Variants in USP13 observed in about 807,000 individuals in gnomAD.
USP13 encodes the protein ubiquitin carboxyl-terminal hydrolase 13.
USP13 carries 68 observed loss-of-function variants against 107.8 expected under a neutral mutation model. The ratio of observed to expected loss-of-function variants is 0.63; its 90% CI spans 0.52 to 0.77. USP13 has a LOEUF of 0.77. Ranked by LOEUF, USP13 falls within the 30% of genes least tolerant of loss-of-function variation. USP13 has a pLI of 0.00. For missense variants in USP13, 945 were observed against 1,093.3 expected (o/e 0.86, Z 1.91); for synonymous variants, 377 against 389.5 (o/e 0.97, Z 0.38).
chr3:179,727,802 C>A (rs1162132356), intron 8 of USP13, among the ~76,000 whole-genome samples: 2 of 99,706 alleles, frequency 2.0e-5, no homozygotes, highest in African/African-American at 7.3e-5. Context: ...GGGCTGACCC[C>A]CCCCCCACCT....
chr3:179,750,399 A>G (rs1457949104), intron 13 of USP13, among the ~76,000 whole-genome samples: 2 of 148,594 alleles, frequency 1.3e-5, no homozygotes, highest in African/African-American at 4.9e-5. Context: ...GCAGTTGAGG[A>G]CTTGGTGACA....
intron 1 of USP13, among the ~76,000 whole-genome samples, chr3:179,675,568 G>C (rs1262343469): frequency 2.3e-5 from 3 of 129,402 alleles, no homozygotes; most frequent in Non-Finnish European, 1.7e-5. Flanking sequence ...TTATTATTGA[G>C]ATGGAGTCTC....
chr3:179,764,010 G>T lies in USP13; in HGVS notation c.2101G>T (p.Glu701Ter). ...IVHMEEPDFA[E>*]PLTMPGYGGA... is the part of the protein sequence containing the mutation. ...GTGGTTATTTTTCTCAGATTTTGCT[G>T]AGCCGCTGACCATGCCTGGTTATGG... Residue 701 changes from glutamate to a stop codon, truncating the protein, a stop_gained, in exon 18 of 21, where the codon GAG (glutamate) becomes TAG (stop). Coordinates refer to ENST00000263966, the MANE Select transcript of USP13 (RefSeq NM_003940.3). LOFTEE classifies it high-confidence loss of function. The T allele has an allele frequency of 6.2e-7, 1 of 1,602,752 alleles. No homozygotes were observed. The highest frequency in any genetic ancestry group is 2.2e-5 in the East Asian group (1 of 44,488).
At chr3:179,714,480 T>G (rs1013884385) in intron 6 of USP13, among the ~76,000 whole-genome samples, 2 of 152,204 alleles carry the variant, frequency 1.3e-5, no homozygotes, top group Non-Finnish European at 2.9e-5. Context: ...CTGTTAACAG[T>G]TTATTTAATG....
intron 8 of USP13, among the ~76,000 whole-genome samples, chr3:179,727,153 A>G (rs1012690177): frequency 2.7e-5 from 4 of 146,806 alleles, no homozygotes; most frequent in African/African-American, 1.0e-4. Context: ...TTATTGGAAC[A>G]ATTTTTAATG....
intron 15 of USP13, among the ~76,000 whole-genome samples, chr3:179,755,098 G>C (rs1265232519): frequency 6.6e-6 from 1 of 152,036 alleles, no homozygotes; most frequent in Non-Finnish European, 1.5e-5. Context: ...TTTTTTGTAG[G>C]CTCTTAGTCT....
In USP13 at chr3:179,721,498, C is replaced by G; in HGVS notation, c.997C>G (p.Pro333Ala). 1.2e-6 allele frequency: 2 copies of G among 1,614,152 alleles called. No homozygotes were observed. The highest frequency in any genetic ancestry group is 1.7e-6 in the Non-Finnish European group (2 of 1,180,040). ...CACGAAACTGAAGCCAATGTATGGT[C>G]CTGGCTACACGGGTCTGAAGAACCT... The part of the protein sequence containing the change: ...SGTKLKPMYG[P>A]GYTGLKNLGN... Residue 333 changes from proline (P) to alanine (A), a missense_variant, in exon 8 of 21, where the codon CCT becomes GCT. Coordinates refer to ENST00000263966, the MANE Select transcript of USP13 (RefSeq NM_003940.3). The surrounding 1 kb of genome is among the most constrained non-coding windows in gnomAD (Gnocchi z 4.3).
chr3:179,724,379 G>A (rs530014163), intron 8 of USP13, among the ~76,000 whole-genome samples: 81 of 150,066 alleles, frequency 5.4e-4, no homozygotes, highest in African/African-American at 2.0e-3. Context: ...AATTGCTTGA[G>A]CCCAGGAGGC....
intron 1 of USP13, among the ~76,000 whole-genome samples, chr3:179,671,531 A>G (rs1352714170): frequency 6.6e-6 from 1 of 152,192 alleles, no homozygotes; most frequent in East Asian, 1.9e-4. Flanking sequence ...ATATTATAAC[A>G]TCATACACAG....
Position 179,721,160 on chromosome 3 carries a change from A to G in USP13, c.901-242A>G, listed in dbSNP as rs867941580. 6.6e-6 allele frequency among the ~76,000 whole-genome samples: 1 copy of G among 152,184 alleles called. No homozygotes were observed. The highest frequency in any genetic ancestry group is 2.4e-5 in the African/African-American group (1 of 41,442). ...TTTTAAAAATTGTGGTACAATATAT[A>G]TAATATAAAAGCTACCATTTTAACT... On this transcript the variant is annotated intron_variant, in intron 7 of 20. Transcript: ENST00000263966. The surrounding 1 kb of genome is among the most constrained non-coding windows in gnomAD (Gnocchi z 4.3).
intron 1 of USP13, among the ~76,000 whole-genome samples, chr3:179,670,037 C>T (rs558589552): frequency 7.2e-4 from 109 of 152,322 alleles, no homozygotes; most frequent in African/African-American, 2.5e-3. Flanking sequence ...TCTCATGCTT[C>T]TCCAGGACCC....
At chr3:179,669,911 T>C (rs1720700856) in intron 1 of USP13, among the ~76,000 whole-genome samples, 1 of 152,184 alleles carries the variant, frequency 6.6e-6, no homozygotes, top group South Asian at 2.1e-4. Context: ...CTTCTCACTT[T>C]AGAAGCCTCC....
chr3:179,776,374 A>C (rs190294236), intron 19 of USP13, among the ~76,000 whole-genome samples: 3 of 152,300 alleles, frequency 2.0e-5, no homozygotes, highest in Admixed American at 6.5e-5. Flanking sequence ...TTGAAAGGGT[A>C]TGCTGCCCAC....
chr3:179,779,619 C>T (rs1032214700), intron 19 of USP13, among the ~76,000 whole-genome samples: 1 of 151,432 alleles, frequency 6.6e-6, no homozygotes, highest in Non-Finnish European at 1.5e-5. Flanking sequence ...GGCACTAAAC[C>T]GTTGGTAGAT....
chr3:179,712,580 T>C (rs1351721798), intron 6 of USP13, among the ~76,000 whole-genome samples: 2 of 152,196 alleles, frequency 1.3e-5, no homozygotes, highest in African/African-American at 2.4e-5. Flanking sequence ...TGTTTTTCTA[T>C]GCTATTAAAT....
rs1007119633 is a variant in USP13 at position 179,742,737 on chromosome 3, T to C, written c.1534+387T>C. Among the ~76,000 whole-genome samples, 6 of 152,212 alleles carry C rather than the reference T, an allele frequency of 3.9e-5. No individual in the cohort carries two copies. The East Asian group carries it at 1.2e-3, about 29-fold the overall frequency. On this transcript the variant is annotated intron_variant, in intron 12 of 20. Transcript: ENST00000263966. This position sits in a 1 kb window ranked among gnomAD's most constrained non-coding sequence, Gnocchi z 5.0. The stretch of plus-strand genomic sequence containing the variant: ...TGATCAGGACTGCATTTTTTAAAGT[T>C]AGACATTCGAGCAGAGGTCTCTTGA...
intron 6 of USP13, among the ~76,000 whole-genome samples, chr3:179,712,257 G>A (rs2108486461): frequency 6.6e-6 from 1 of 152,202 alleles, no homozygotes; most frequent in African/African-American, 2.4e-5. Flanking sequence ...AGTAACTCTA[G>A]TTTCTTTTCT....
chr3:179,730,313 G>A, intron 9 of USP13, 53 bp downstream of exon 9: 1 of 1,551,442 alleles, frequency 6.4e-7, no homozygotes, highest in Non-Finnish European at 8.8e-7. Context: ...CCAATAAAAT[G>A]TTCATAGTGG....
chr3:179,668,670 C>T (rs1026854668), intron 1 of USP13, among the ~76,000 whole-genome samples: 2 of 152,148 alleles, frequency 1.3e-5, no homozygotes, highest in African/African-American at 4.8e-5. Context: ...AGGTCTCCTG[C>T]CTTGGCCTCC....
Sources: allele counts gnomAD v4.1 joint callset (sites outside exome capture counted in the v4.1 genomes callset), GRCh38; gene constraint gnomAD v4.1.1; non-coding constraint Gnocchi (gnomAD v3.1); transcripts MANE v1.5; gene names NCBI Gene and HGNC (gene_info 2026-07-23, HGNC 2026-07-21).